The following CNTN3 variants were observed in gnomAD, a reference collection of about 807,000 sequenced individuals.
CNTN3 encodes the protein contactin-3.
A neutral mutation model predicts 119.1 loss-of-function variants in CNTN3; 60 were observed. The ratio of observed to expected loss-of-function variants is 0.50; its 90% confidence interval spans 0.41 to 0.62. CNTN3 has a LOEUF of 0.62. Ranked by LOEUF, CNTN3 falls within the 20% of genes least tolerant of loss-of-function variation. The pLI is 0.00. For synonymous variants in CNTN3, 450 were observed against 438.7 expected (o/e 1.03, Z -0.32); for missense variants, 1,101 against 1,242.4 (o/e 0.89, Z 1.71).
intron 3 of CNTN3, among the ~76,000 whole-genome samples, chr3:74,498,361 T>C (rs563475220): frequency 6.6e-6 from 1 of 152,008 alleles, no homozygotes; most frequent in East Asian, 1.9e-4. Flanking sequence ...ATGGAACTAG[T>C]TCATGAAATA....
At chr3:74,570,951 T>C (rs915458860) in intron 1 of CNTN3, among the ~76,000 whole-genome samples, 1 of 152,216 alleles carries the variant, frequency 6.6e-6, no homozygotes, top group Middle Eastern at 3.2e-3. Context: ...ACTTCACTTT[T>C]TCCTTGGAAA....
At chr3:74,506,933 T>C (rs1214714107) in intron 2 of CNTN3, among the ~76,000 whole-genome samples, 3 of 152,220 alleles carry the variant, frequency 2.0e-5, no homozygotes, top group African/African-American at 4.8e-5. Context: ...ATGGAACCCA[T>C]TATTTCTAAC....
intron 14 of CNTN3, among the ~76,000 whole-genome samples, chr3:74,302,256 C>T (rs983909562): frequency 6.6e-6 from 1 of 152,142 alleles, no homozygotes; most frequent in Non-Finnish European, 1.5e-5. Flanking sequence ...AAATCAGTAT[C>T]CTGGGCAGCA....
chr3:74,410,010 A>G (rs982845479), intron 5 of CNTN3, among the ~76,000 whole-genome samples: 1 of 152,188 alleles, frequency 6.6e-6, no homozygotes, highest in African/African-American at 2.4e-5. Context: ...AACACCTTTT[A>G]TGAGATGAAG....
At chr3:74,571,056 G>T (rs1047663992) in intron 1 of CNTN3, among the ~76,000 whole-genome samples, 2 of 152,168 alleles carry the variant, frequency 1.3e-5, no homozygotes, top group African/African-American at 4.8e-5. Flanking sequence ...CAGTGCATTT[G>T]CAAAGATAAG....
chr3:74,492,011 C>T (rs193288313), intron 3 of CNTN3, among the ~76,000 whole-genome samples: 276 of 152,224 alleles, frequency 1.8e-3, no homozygotes, highest in African/African-American at 6.5e-3. Context: ...TTACATTGTG[C>T]TCCAGAAGCA....
chr3:74,508,940 A>T (rs990242600), intron 2 of CNTN3, among the ~76,000 whole-genome samples: 3 of 152,208 alleles, frequency 2.0e-5, no homozygotes, highest in Admixed American at 6.5e-5. Context: ...GCATCTTAAA[A>T]ATTGAAAGAG....
At chr3:74,591,585 G>C (rs987627375) in intron 1 of CNTN3, among the ~76,000 whole-genome samples, 1 of 151,814 alleles carries the variant, frequency 6.6e-6, no homozygotes, top group African/African-American at 2.4e-5. Context: ...GCCTGGAAGC[G>C]GGGAAACAGC....
At chr3:74,491,341 A>C (rs896318722) in intron 3 of CNTN3, among the ~76,000 whole-genome samples, 1 of 151,730 alleles carries the variant, frequency 6.6e-6, no homozygotes, top group African/African-American at 2.4e-5. Context: ...TTTACAAAAA[A>C]AAAATGTGAA....
rs184588656 is a variant in CNTN3 at position 74,595,925 on chromosome 3, G to A, written c.-81+18466C>T. ...GTCCCTGTTTGCAGACGACATGATA[G>A]TATATCTAGAAAACCCCATTGTCTC... is the stretch of plus-strand genomic sequence containing the variant. On this transcript the variant is annotated intron_variant, in intron 1 of 22. Coordinates refer to ENST00000263665, the MANE Select transcript of CNTN3 (RefSeq NM_020872.3). Among the ~76,000 whole-genome samples the A allele has an allele frequency of 6.7e-3, 1,023 of 152,146 alleles. 6 individuals carry two copies. The highest frequency in any genetic ancestry group is 0.023 in the African/African-American group (971 of 41,500).
chr3:74,477,256 C>A (rs773199198), intron 4 of CNTN3, among the ~76,000 whole-genome samples: 11 of 152,136 alleles, frequency 7.2e-5, no homozygotes, highest in Admixed American at 1.3e-4. Flanking sequence ...CACATGGCTG[C>A]TAAATGATGA....
intron 1 of CNTN3, among the ~76,000 whole-genome samples, chr3:74,532,231 G>A (rs2107136698): frequency 6.6e-6 from 1 of 151,962 alleles, no homozygotes; most frequent in Middle Eastern, 3.4e-3. Flanking sequence ...AAGTGAGAAT[G>A]AGAGAGATGG....
chr3:74,344,011 C>T (rs1703613426), intron 11 of CNTN3, among the ~76,000 whole-genome samples: 1 of 152,212 alleles, frequency 6.6e-6, no homozygotes, highest in Admixed American at 6.5e-5. Context: ...ACAATGCCTG[C>T]TGCCAAGATT....
Position 74,369,331 on chromosome 3 carries a change from T to A in CNTN3, c.804A>T (p.Pro268=). Residue 268 remains proline (P), a synonymous_variant, in exon 8 of 23, where the codon CCA becomes CCT. Transcript: ENST00000263665. ...QINWRRSDGL[P]FSSKIKLRKF... ...TCCTTAATTTAATTTTGCTGGAAAA[T>A]GGCAGCCCATCACTTCTTCTCCAAT... The A allele has an allele frequency of 6.2e-7, 1 of 1,607,976 alleles. No homozygotes were observed. The highest frequency in any genetic ancestry group is 8.5e-7 in the Non-Finnish European group (1 of 1,177,166).
chr3:74,427,254 A>C (rs978344809), intron 4 of CNTN3, among the ~76,000 whole-genome samples: 4 of 152,190 alleles, frequency 2.6e-5, no homozygotes, highest in African/African-American at 9.6e-5. Context: ...TTTGCTGAAA[A>C]GGTGGTAAGT....
At chr3:74,312,167 C>T (rs1308959171) in intron 13 of CNTN3, among the ~76,000 whole-genome samples, 1 of 152,048 alleles carries the variant, frequency 6.6e-6, no homozygotes, top group Non-Finnish European at 1.5e-5. Flanking sequence ...AAAGCTCTGA[C>T]CTCAGGCCGG....
chr3:74,393,698 A>C (rs1244165857), intron 5 of CNTN3, among the ~76,000 whole-genome samples: 1 of 152,234 alleles, frequency 6.6e-6, no homozygotes, highest in African/African-American at 2.4e-5. Flanking sequence ...GGAAATGGGA[A>C]AAGTAGGACT....
intron 5 of CNTN3, among the ~76,000 whole-genome samples, chr3:74,397,508 TTCTCTCTCTCTC>T (rs71129743): frequency 6.7e-6 from 1 of 150,212 alleles, no homozygotes; most frequent in Non-Finnish European, 1.5e-5. Context: ...CCAACTGGTG[TTCTCTCTCTCTC>T]TCTCTCTCTC....
At chr3:74,362,600 AT>A (rs1283178949) in intron 10 of CNTN3, among the ~76,000 whole-genome samples, 1 of 152,238 alleles carries the variant, frequency 6.6e-6, no homozygotes. Context: ...ATGAAGTATA[AT>A]AATGTGTAGA....
Sources: gnomAD v4.1 joint callset for allele counts (sites outside exome capture counted in the v4.1 genomes callset) on GRCh38, gnomAD v4.1.1 for gene constraint, MANE v1.5 for transcripts, NCBI Gene and HGNC (gene_info 2026-07-23, HGNC 2026-07-21) for gene names.